The following RGPD2 variants were observed in gnomAD, a reference collection of about 807,000 sequenced individuals.
RGPD2 encodes the protein RANBP2 like and GRIP domain containing 2, also known as RANBP2-like and GRIP domain-containing protein 2.
In RGPD2, 2 loss-of-function variants were observed where a neutral mutation model predicts 36.0. That is an observed-to-expected ratio of 0.06 (90% CI 0.02 to 0.17). The LOEUF (loss-of-function observed/expected upper bound fraction) is 0.17. Among genes scored for constraint, RGPD2 ranks in the 10% least tolerant of loss-of-function variants. RGPD2 has a pLI of 1.00. For missense variants in RGPD2, 40 were observed against 464.3 expected, an observed-to-expected ratio of 0.09 and a Z score of 8.40; for synonymous variants, 19 against 163.8, an observed-to-expected ratio of 0.12 and a Z score of 6.75.
At chr2:87,851,315 GGT>G in the RGPD2 span, among the ~76,000 whole-genome samples, 1 of 148,928 alleles carries the variant, frequency 6.7e-6, no homozygotes, top group Non-Finnish European at 1.5e-5. Context: ...GAACCCGGGA[GGT>G]GGAGGTTGCA....
At chr2:87,952,507 A>G in the RGPD2 span, among the ~76,000 whole-genome samples, 2 of 152,220 alleles carry the variant, frequency 1.3e-5, no homozygotes, top group African/African-American at 4.8e-5. Flanking sequence ...TACGTTATCT[A>G]AGATAAGTAT....
the RGPD2 span, among the ~76,000 whole-genome samples, chr2:87,842,719 T>G: frequency 2.0e-5 from 3 of 151,924 alleles, no homozygotes; most frequent in African/African-American, 7.3e-5. Context: ...ACTTTAAAGT[T>G]CATATGGAAC....
At chr2:87,985,998 C>T in the RGPD2 span, 1 of 1,018,904 alleles carries the variant, frequency 9.8e-7, no homozygotes, top group South Asian at 1.7e-5. Flanking sequence ...TTTTTAACTT[C>T]TACTATGTAA....
the RGPD2 span, among the ~76,000 whole-genome samples, chr2:87,873,667 G>A: frequency 6.6e-6 from 1 of 151,882 alleles, no homozygotes; most frequent in Non-Finnish European, 1.5e-5. Context: ...GTTCTGAATG[G>A]CTTGGGAGGC....
the RGPD2 span, among the ~76,000 whole-genome samples, chr2:87,880,860 C>G: frequency 9.8e-6 from 1 of 101,806 alleles, no homozygotes; most frequent in Non-Finnish European, 1.9e-5. Flanking sequence ...AGGTTCCTTC[C>G]ACTTATGAGT....
intron 22 of RGPD2, among the ~76,000 whole-genome samples, chr2:87,769,883 A>G (rs1249288088): frequency 6.6e-6 from 1 of 152,196 alleles, no homozygotes; most frequent in Non-Finnish European, 1.5e-5. Context: ...AATTAAAGAC[A>G]GTGAACTTGT....
At chr2:87,846,154 TG>T in the RGPD2 span, among the ~76,000 whole-genome samples, 26 of 151,664 alleles carry the variant, frequency 1.7e-4, no homozygotes, top group Admixed American at 5.3e-4. Flanking sequence ...CTATATGTGG[TG>T]TTTTTTTGGG....
chr2:87,966,434 T>G, the RGPD2 span, among the ~76,000 whole-genome samples: 5 of 147,866 alleles, frequency 3.4e-5, no homozygotes, highest in African/African-American at 1.2e-4. Flanking sequence ...GGGAGGGGAT[T>G]GTTAAAACTC....
the RGPD2 span, among the ~76,000 whole-genome samples, chr2:87,920,842 A>G: frequency 5.1e-5 from 5 of 97,370 alleles, no homozygotes; most frequent in African/African-American, 2.2e-4. Context: ...TTCTTCATTT[A>G]CTGAGTGACC....
At chr2:87,915,287 T>TCTCCCTTTTC in the RGPD2 span, among the ~76,000 whole-genome samples, 1 of 137,964 alleles carries the variant, frequency 7.2e-6, no homozygotes. Flanking sequence ...TATATATATA[T>TCTCCCTTTTC]ATGTATATTA....
intron 6 of RGPD2, among the ~76,000 whole-genome samples, chr2:87,809,811 C>T (rs1686103271): frequency 6.7e-6 from 1 of 149,210 alleles, no homozygotes; most frequent in African/African-American, 2.4e-5. Context: ...CATCTCCCCT[C>T]CTGAGCCTCC....
At chr2:87,853,317 C>G in the RGPD2 span, among the ~76,000 whole-genome samples, 2 of 143,434 alleles carry the variant, frequency 1.4e-5, no homozygotes, top group African/African-American at 2.5e-5. Context: ...GGAACTCTCA[C>G]GCTCAACTGT....
At chr2:87,872,510 C>CT in the RGPD2 span, among the ~76,000 whole-genome samples, 19 of 149,700 alleles carry the variant, frequency 1.3e-4, no homozygotes, top group South Asian at 1.5e-3. Flanking sequence ...TTCTTCTATC[C>CT]TTTTTTTTTC....
At chr2:87,880,297 C>T in the RGPD2 span, among the ~76,000 whole-genome samples, 1 of 151,740 alleles carries the variant, frequency 6.6e-6, no homozygotes, top group South Asian at 2.1e-4. Flanking sequence ...ATTTGCTGTG[C>T]AAATGATTTT....
chr2:87,986,664 G>GA, the RGPD2 span, among the ~76,000 whole-genome samples: 1 of 151,564 alleles, frequency 6.6e-6, no homozygotes, highest in Middle Eastern at 3.2e-3. Flanking sequence ...TGGATCACCT[G>GA]AGGTCAGGAG....
the RGPD2 span, among the ~76,000 whole-genome samples, chr2:87,839,350 C>A: frequency 6.6e-6 from 1 of 151,940 alleles, no homozygotes; most frequent in African/African-American, 2.4e-5. Context: ...GTCAGAATGG[C>A]TATTATCAAA....
At chr2:87,943,989 C>T in the RGPD2 span, among the ~76,000 whole-genome samples, 17 of 152,102 alleles carry the variant, frequency 1.1e-4, no homozygotes, top group South Asian at 6.2e-4. Context: ...TGTTTCAATA[C>T]GAATTTCATG....
chr2:87,967,484 C>T, the RGPD2 span, among the ~76,000 whole-genome samples: 2 of 149,926 alleles, frequency 1.3e-5, no homozygotes, highest in African/African-American at 5.1e-5. Flanking sequence ...TATCTGCCCC[C>T]ATCCAATGCA....
chr2:87,985,852 C>T, the RGPD2 span: 66 of 1,610,546 alleles, frequency 4.1e-5, no homozygotes, highest in Non-Finnish European at 5.3e-5. Flanking sequence ...TACCACTTGA[C>T]AAGCATCTGA....
Sources: gnomAD v4.1 joint callset for allele counts (sites outside exome capture counted in the v4.1 genomes callset) on GRCh38, gnomAD v4.1.1 for gene constraint, MANE v1.5 for transcripts, NCBI Gene and HGNC (gene_info 2026-07-23, HGNC 2026-07-21) for gene names.